Variants in EDC3 observed in about 807,000 individuals in gnomAD.
EDC3 encodes the protein enhancer of mRNA-decapping protein 3.
EDC3 carries 20 observed loss-of-function variants against 41.8 expected under a neutral mutation model. The ratio of observed to expected loss-of-function variants is 0.48; its 90% CI spans 0.34 to 0.70. The LOEUF (loss-of-function observed/expected upper bound fraction) is 0.70. Among genes scored for constraint, EDC3 ranks in the 30% least tolerant of loss-of-function variants. The pLI is 0.01. For synonymous variants in EDC3, 206 were observed against 243.2 expected, an observed-to-expected ratio of 0.85 and a Z score of 1.42; for missense variants, 444 against 636.8, an observed-to-expected ratio of 0.70 and a Z score of 3.26.
At chr15:74,665,303 G>A (rs2062665053) in intron 3 of EDC3, among the ~76,000 whole-genome samples, 1 of 152,232 alleles carries the variant, frequency 6.6e-6, no homozygotes, top group Non-Finnish European at 1.5e-5. Context: ...TGGGATTAGA[G>A]ACATCAGCCA....
At chr15:74,641,109 T>C (rs2062346809) in intron 4 of EDC3, 1 of 155,932 alleles carries the variant, frequency 6.4e-6, no homozygotes, top group Middle Eastern at 2.9e-3. Flanking sequence ...TCTCCTCAAC[T>C]GTAGGGCAGG....
intron 5 of EDC3, 50 bp downstream of exon 5, chr15:74,640,416 C>T: frequency 6.3e-7 from 1 of 1,598,254 alleles, no homozygotes; most frequent in Non-Finnish European, 8.5e-7. Context: ...GGTGGCCAGG[C>T]AGAGCATCCT....
intron 3 of EDC3, among the ~76,000 whole-genome samples, chr15:74,670,076 T>C (rs1269742367): frequency 6.8e-6 from 1 of 147,692 alleles, no homozygotes. Context: ...CAGGCTGGTC[T>C]CGAACTCCTG....
At chr15:74,692,049 G>C (rs549515951) in intron 1 of EDC3, among the ~76,000 whole-genome samples, 1 of 152,172 alleles carries the variant, frequency 6.6e-6, no homozygotes, top group African/African-American at 2.4e-5. Context: ...TCGATCTCCT[G>C]ACCTCGTGAT....
intron 4 of EDC3, chr15:74,642,485 T>G (rs1049495574): frequency 2.6e-5 from 4 of 152,198 alleles, no homozygotes; most frequent in Non-Finnish European, 5.9e-5. Flanking sequence ...CAGAACTAAT[T>G]AGGCTGAACA....
At chr15:74,654,076 C>A (rs1379304497) in intron 4 of EDC3, among the ~76,000 whole-genome samples, 1 of 152,012 alleles carries the variant, frequency 6.6e-6, no homozygotes, top group Non-Finnish European at 1.5e-5. Flanking sequence ...CATAGTGAAA[C>A]CCCATCTCTA....
At chr15:74,682,617 C>CAAA (rs61528385) in intron 1 of EDC3, among the ~76,000 whole-genome samples, 6 of 60,546 alleles carry the variant, frequency 9.9e-5, no homozygotes, top group African/African-American at 1.7e-4. Flanking sequence ...GACTCCATCT[C>CAAA]AAAAAAAAAA....
intron 4 of EDC3, among the ~76,000 whole-genome samples, chr15:74,645,567 G>A (rs972130331): frequency 1.5e-5 from 2 of 134,586 alleles, no homozygotes; most frequent in South Asian, 2.5e-4. Flanking sequence ...AAAAAGTTGG[G>A]GGGGGGGGGG....
intron 4 of EDC3, 120 bp downstream of exon 4, chr15:74,655,613 A>G (rs1463782453): frequency 1.9e-6 from 2 of 1,029,812 alleles, no homozygotes; most frequent in Non-Finnish European, 2.8e-6. Context: ...CGGGCCAGCC[A>G]CCAAGCCACT....
intron 4 of EDC3, among the ~76,000 whole-genome samples, chr15:74,649,860 A>G (rs1278800658): frequency 6.7e-5 from 9 of 134,784 alleles, no homozygotes; most frequent in Non-Finnish European, 8.4e-5. Flanking sequence ...AGGGAAAAAA[A>G]GGGGGGGGGG....
intron 3 of EDC3, among the ~76,000 whole-genome samples, chr15:74,662,392 C>G (rs1010906158): frequency 6.6e-6 from 1 of 151,484 alleles, no homozygotes; most frequent in Non-Finnish European, 1.5e-5. Context: ...ACACAAAACT[C>G]TGCTGAATTA....
chr15:74,632,453 C>G lies in EDC3; in HGVS notation c.*159G>C. On this transcript the variant is annotated 3_prime_UTR_variant, in exon 7 of 7. Coordinates refer to ENST00000315127, the MANE Select transcript of EDC3 (RefSeq NM_025083.5). The surrounding 1 kb of genome is among the most constrained non-coding windows in gnomAD (Gnocchi z 4.0). ...TGGGAAAGACTTCCCTGGCTAAGAG[C>G]AAGTGACAGGTCAGTTTTAAGTAAG... The G allele has an allele frequency of 3.4e-6, 3 of 886,214 alleles. No homozygotes were observed. Among genetic ancestry groups the G allele is most frequent in the Non-Finnish European group, 5.0e-6 (3 of 596,216 alleles). The allele number at this position is 886,214 out of a possible 1,614,324, so 54.9% of individuals were successfully genotyped here.
chr15:74,644,000 T>C (rs1355756172), intron 4 of EDC3: 2 of 151,784 alleles, frequency 1.3e-5, no homozygotes, highest in African/African-American at 4.8e-5. Context: ...ACTGGTAAAT[T>C]TATACCCCCT....
At chr15:74,689,359 ACTT>A (rs768405746) in intron 1 of EDC3, among the ~76,000 whole-genome samples, 2 of 152,234 alleles carry the variant, frequency 1.3e-5, no homozygotes, top group South Asian at 2.1e-4. Context: ...TCTTAAACAT[ACTT>A]CTTATTTACT....
At chr15:74,658,457 T>C (rs2062576849) in intron 3 of EDC3, among the ~76,000 whole-genome samples, 1 of 151,968 alleles carries the variant, frequency 6.6e-6, no homozygotes. Flanking sequence ...TGTGGTTATC[T>C]CCAGTAGAGT....
intron 2 of EDC3, among the ~76,000 whole-genome samples, chr15:74,673,144 A>T (rs1330918670): frequency 6.6e-6 from 1 of 152,124 alleles, no homozygotes; most frequent in African/African-American, 2.4e-5. Context: ...CCACATCATG[A>T]TCACAATGGA....
intron 3 of EDC3, among the ~76,000 whole-genome samples, chr15:74,662,431 A>T (rs1257628534): frequency 6.8e-6 from 1 of 147,134 alleles, no homozygotes; most frequent in African/African-American, 2.6e-5. Flanking sequence ...ATATATATAT[A>T]TATATTTTTT....
At chr15:74,660,446 T>C (rs1201676863) in intron 3 of EDC3, among the ~76,000 whole-genome samples, 1 of 151,332 alleles carries the variant, frequency 6.6e-6, no homozygotes, top group Non-Finnish European at 1.5e-5. Flanking sequence ...TGTGTGTGTG[T>C]GTGTGTATAT....
intron 2 of EDC3, among the ~76,000 whole-genome samples, chr15:74,673,281 A>G (rs2062760886): frequency 6.6e-6 from 1 of 152,190 alleles, no homozygotes; most frequent in South Asian, 2.1e-4. Flanking sequence ...ATCAAGAGAC[A>G]TTTCGAATCC....
Sources: gnomAD v4.1 joint callset for allele counts (sites outside exome capture counted in the v4.1 genomes callset) on GRCh38, gnomAD v4.1.1 for gene constraint, Gnocchi (gnomAD v3.1) non-coding constraint, MANE v1.5 for transcripts, NCBI Gene and HGNC (gene_info 2026-07-23, HGNC 2026-07-21) for gene names.